The following IGF1 variants were observed in gnomAD, a reference collection of about 807,000 sequenced individuals.
IGF1 encodes insulin like growth factor 1.
Under a neutral mutation model 13.8 loss-of-function variants are expected in IGF1, and 4 were observed. The observed-to-expected ratio is 0.29, with a 90% confidence interval of 0.14 to 0.66. IGF1 has a LOEUF of 0.66. IGF1 is among the 30% of genes least tolerant of loss of function. The pLI is 0.78. For synonymous variants in IGF1, 76 were observed against 72.6 expected (o/e 1.05, Z -0.23); for missense variants, 124 against 188.5 (o/e 0.66, Z 2.00).
intron 3 of IGF1, among the ~76,000 whole-genome samples, chr12:102,411,467 A>G (rs982479679): frequency 1.3e-5 from 2 of 152,314 alleles, no homozygotes; most frequent in African/African-American, 4.8e-5. Flanking sequence ...TGCTGGCTAG[A>G]CAGAAAGCCC....
intron 2 of IGF1, 150 bp from the exon 3 acceptor site, chr12:102,419,840 C>A: frequency 4.0e-6 from 3 of 746,066 alleles, no homozygotes; most frequent in Non-Finnish European, 7.0e-6. Flanking sequence ...TGATTCCTGA[C>A]CCCACGTATC....
chr12:102,420,803 T>C (rs932653262), intron 2 of IGF1, among the ~76,000 whole-genome samples: 1 of 152,214 alleles, frequency 6.6e-6, no homozygotes, highest in African/African-American at 2.4e-5. Flanking sequence ...TCTCCACGGA[T>C]GCTCAGGCTT....
chr12:102,470,105 T>C (rs1880591122), intron 2 of IGF1, among the ~76,000 whole-genome samples: 1 of 152,198 alleles, frequency 6.6e-6, no homozygotes, highest in African/African-American at 2.4e-5. Context: ...ATGTGGTGCT[T>C]ACTGTGTGCC....
At chr12:102,474,075 T>C (rs1880859210) in intron 2 of IGF1, among the ~76,000 whole-genome samples, 1 of 152,184 alleles carries the variant, frequency 6.6e-6, no homozygotes, top group Non-Finnish European at 1.5e-5. Flanking sequence ...TTGGGCATAA[T>C]AAGTGAGAAC....
intron 2 of IGF1, among the ~76,000 whole-genome samples, chr12:102,443,896 G>T (rs1878080033): frequency 6.6e-6 from 1 of 151,826 alleles, no homozygotes; most frequent in Admixed American, 6.6e-5. Context: ...ACACAATCTT[G>T]GCTAACTGCA....
rs187371655 is a variant in IGF1 at position 102,402,476 on chromosome 12, A to G, written c.*31T>C. On this transcript the variant is annotated 3_prime_UTR_variant, in exon 4 of 4. Transcript: ENST00000337514. Reference sequence around the variant, plus strand: ...GCAGAGCAAAGGATCCTGCGGTGGCATGTCACTCTTCACTCCTCAGGAGGG... The same window carrying G: ...GCAGAGCAAAGGATCCTGCGGTGGCGTGTCACTCTTCACTCCTCAGGAGGG... The G allele has an allele frequency of 6.4e-6, 5 of 780,786 alleles. No homozygotes were observed. The African/African-American group carries it at 6.8e-5, about 11-fold the overall frequency. 48.4% of individuals were successfully genotyped at this position (780,786 alleles called of 1,614,324 possible).
chr12:102,436,845 C>G (rs1449106747), intron 2 of IGF1, among the ~76,000 whole-genome samples: 1 of 152,134 alleles, frequency 6.6e-6, no homozygotes, highest in East Asian at 1.9e-4. Context: ...GCACATGAAG[C>G]TCTGTTTCTT....
At chr12:102,425,066 A>T (rs866027150) in intron 2 of IGF1, among the ~76,000 whole-genome samples, 3 of 152,210 alleles carry the variant, frequency 2.0e-5, no homozygotes, top group Non-Finnish European at 4.4e-5. Context: ...CATATTAGGG[A>T]ATTAAGTGAA....
intron 2 of IGF1, among the ~76,000 whole-genome samples, chr12:102,437,697 T>C (rs981263831): frequency 2.0e-5 from 3 of 152,348 alleles, no homozygotes; most frequent in African/African-American, 7.2e-5. Flanking sequence ...ATTTCTGGTG[T>C]TCTATTGCAC....
chr12:102,479,028 A>G (rs1881246756), intron 1 of IGF1, among the ~76,000 whole-genome samples: 1 of 152,248 alleles, frequency 6.6e-6, no homozygotes, highest in African/African-American at 2.4e-5. Context: ...CAGCATGAAA[A>G]GTGCATTTGG....
chr12:102,470,188 C>T (rs1226704067), intron 2 of IGF1, among the ~76,000 whole-genome samples: 1 of 152,164 alleles, frequency 6.6e-6, no homozygotes, highest in Admixed American at 6.5e-5. Flanking sequence ...ATAAGGCAGG[C>T]CCCATTTTAC....
At chr12:102,465,936 CAAATAAATAAATAAATAAAT>C (rs3032454) in intron 2 of IGF1, among the ~76,000 whole-genome samples, 243 of 139,468 alleles carry the variant, frequency 1.7e-3, no homozygotes, top group African/African-American at 4.1e-3. Flanking sequence ...GACTCTGTTT[CAAATAAATAAATAAATAAAT>C]AAATAAATAA....
chr12:102,447,243 G>C (rs145274162), intron 2 of IGF1, among the ~76,000 whole-genome samples: 1 of 152,212 alleles, frequency 6.6e-6, no homozygotes, highest in South Asian at 2.1e-4. Context: ...TATCAGGTCC[G>C]CTTGATCCAG....
At chr12:102,405,004 G>A (rs916642328) in intron 3 of IGF1, among the ~76,000 whole-genome samples, 1 of 151,970 alleles carries the variant, frequency 6.6e-6, no homozygotes, top group East Asian at 1.9e-4. Context: ...TGATCCACCC[G>A]CCTTGGCCTC....
At chr12:102,421,101 C>T (rs1592754987) in intron 2 of IGF1, among the ~76,000 whole-genome samples, 2 of 152,194 alleles carry the variant, frequency 1.3e-5, no homozygotes, top group Admixed American at 6.5e-5. Flanking sequence ...CCTCTAAGAA[C>T]CCAAATGCTT....
chr12:102,413,447 G>T (rs558984546), intron 3 of IGF1, among the ~76,000 whole-genome samples: 1 of 152,190 alleles, frequency 6.6e-6, no homozygotes, highest in Admixed American at 6.5e-5. Context: ...GGATGGAGGC[G>T]AGAGAAGGGG....
chr12:102,479,485 G>C (rs929588882), intron 1 of IGF1, among the ~76,000 whole-genome samples: 2 of 152,160 alleles, frequency 1.3e-5, no homozygotes, highest in African/African-American at 4.8e-5. Context: ...TCGGAAACGA[G>C]AAGTCGGTGC....
At chr12:102,418,621 C>T (rs78586248) in intron 3 of IGF1, among the ~76,000 whole-genome samples, 179 of 152,370 alleles carry the variant, frequency 1.2e-3, no homozygotes, top group Non-Finnish European at 2.2e-3. Context: ...TACTCAACTT[C>T]CTTGCCTTCT....
chr12:102,477,615 C>A (rs1881142910), intron 1 of IGF1, among the ~76,000 whole-genome samples: 1 of 151,394 alleles, frequency 6.6e-6, no homozygotes, highest in Admixed American at 6.6e-5. Context: ...AAATCCAACC[C>A]ACCTGGACCT....
Sources: gnomAD v4.1 joint callset for allele counts (sites outside exome capture counted in the v4.1 genomes callset) on GRCh38, gnomAD v4.1.1 for gene constraint, MANE v1.5 for transcripts, NCBI Gene and HGNC (gene_info 2026-07-23, HGNC 2026-07-21) for gene names.